BRINP3: variants seen among roughly 807,000 people sequenced by gnomAD.
BRINP3 encodes BMP/retinoic acid inducible neural specific 3.
Under a neutral mutation model 71.0 loss-of-function variants are expected in BRINP3, and 19 were observed. The ratio of observed to expected loss-of-function variants is 0.27; its 90% CI spans 0.19 to 0.39. The LOEUF (loss-of-function observed/expected upper bound fraction) is 0.39, where lower values mean the gene tolerates loss of function less well. Ranked by LOEUF, BRINP3 falls within the 10% of genes least tolerant of loss-of-function variation. The pLI, the probability that BRINP3 is intolerant of heterozygous loss-of-function variation, is 1.00. For synonymous variants in BRINP3, 380 were observed against 337.7 expected, an observed-to-expected ratio of 1.13 and a Z score of -1.37; for missense variants, 959 against 940.8, an observed-to-expected ratio of 1.02 and a Z score of -0.25.
At chr1:190,351,992 T>C (rs934808334) in intron 2 of BRINP3, among the ~76,000 whole-genome samples, 5 of 151,932 alleles carry the variant, frequency 3.3e-5, no homozygotes, top group African/African-American at 1.2e-4. Context: ...ACAGAAAAAA[T>C]TCTTTATTTT....
In BRINP3 at chr1:190,121,243, C is replaced by T. The variant is rs1033974087; in HGVS notation, c.1185-22109G>A. Among the ~76,000 whole-genome samples, 6 of 151,464 alleles carry T rather than the reference C, an allele frequency of 4.0e-5. No homozygotes were observed. The East Asian group carries it at 5.8e-4, about 15-fold the overall frequency. On this transcript the variant is annotated intron_variant, in intron 7 of 7. Transcript: ENST00000367462. ...TGTACTGTACTGTACTGTACTGGTA[C>T]GGTATAACAAAATGTGTTTTATTAT... is the stretch of plus-strand genomic sequence containing the variant.
intron 2 of BRINP3, among the ~76,000 whole-genome samples, chr1:190,396,100 A>G (rs1671549949): frequency 6.6e-6 from 1 of 151,912 alleles, no homozygotes; most frequent in Non-Finnish European, 1.5e-5. Context: ...TCCTAACAAA[A>G]TTTGAAGGCA....
At chr1:190,441,385 G>T (rs1285358838) in intron 2 of BRINP3, among the ~76,000 whole-genome samples, 1 of 152,008 alleles carries the variant, frequency 6.6e-6, no homozygotes, top group African/African-American at 2.4e-5. Flanking sequence ...TCTCACATCT[G>T]TCCAAGTCAG....
chr1:190,195,628 T>C (rs931786595), intron 6 of BRINP3, among the ~76,000 whole-genome samples: 3 of 152,050 alleles, frequency 2.0e-5, no homozygotes, highest in African/African-American at 7.2e-5. Context: ...CATAGAAAGG[T>C]ACATACATAC....
rs115923114 is a variant in BRINP3 at position 190,433,698 on chromosome 1, C to T, written c.236+20957G>A. 2.2e-3 allele frequency among the ~76,000 whole-genome samples: 338 copies of T among 152,232 alleles called. 1 individual carries two copies. Among genetic ancestry groups the T allele is most frequent in the Non-Finnish European group, 4.0e-3 (269 of 68,016 alleles). On this transcript the variant is annotated intron_variant, in intron 2 of 7. Coordinates refer to ENST00000367462, the MANE Select transcript of BRINP3 (RefSeq NM_199051.3). ...TATTATGCTATCTACCTATCTACCT[C>T]GTTCCATTGTCTTCTGACCTGCAAT...
chr1:190,421,182 T>C (rs1673354605), intron 2 of BRINP3, among the ~76,000 whole-genome samples: 1 of 151,612 alleles, frequency 6.6e-6, no homozygotes, highest in African/African-American at 2.4e-5. Context: ...TTCACAACAA[T>C]TGTCCAATTT....
At chr1:190,193,050 C>A (rs899270247) in intron 6 of BRINP3, among the ~76,000 whole-genome samples, 2 of 151,990 alleles carry the variant, frequency 1.3e-5, no homozygotes, top group African/African-American at 4.8e-5. Flanking sequence ...ATGAATGACT[C>A]CAAGGCAATC....
chr1:190,401,371 C>CCA (rs1671909574), intron 2 of BRINP3, among the ~76,000 whole-genome samples: 1 of 23,984 alleles, frequency 4.2e-5, no homozygotes, highest in African/African-American at 1.3e-4. Flanking sequence ...GTCCCCATCT[C>CCA]AAAACAAAAA....
At chr1:190,167,958 AG>A (rs1053693946) in intron 6 of BRINP3, among the ~76,000 whole-genome samples, 1 of 152,174 alleles carries the variant, frequency 6.6e-6, no homozygotes, top group African/African-American at 2.4e-5. Context: ...TCTATAGGAT[AG>A]GGACATCAGA....
intron 7 of BRINP3, among the ~76,000 whole-genome samples, chr1:190,143,871 A>G (rs1480086634): frequency 2.0e-5 from 3 of 152,198 alleles, no homozygotes; most frequent in African/African-American, 7.2e-5. Flanking sequence ...CAGATTGGTA[A>G]TCTGAAAGTT....
intron 2 of BRINP3, among the ~76,000 whole-genome samples, chr1:190,448,578 T>G (rs1026537355): frequency 6.6e-6 from 1 of 151,688 alleles, no homozygotes; most frequent in Admixed American, 6.6e-5. Flanking sequence ...GGAAGATCTA[T>G]GTATAATTTA....
At chr1:190,299,059 T>G (rs1664471339) in intron 2 of BRINP3, among the ~76,000 whole-genome samples, 2 of 152,202 alleles carry the variant, frequency 1.3e-5, no homozygotes, top group African/African-American at 2.4e-5. Context: ...AGTAAGTGAC[T>G]GTCTCTGTTA....
At chr1:190,318,758 G>A (rs1050062522) in intron 2 of BRINP3, among the ~76,000 whole-genome samples, 8 of 151,986 alleles carry the variant, frequency 5.3e-5, no homozygotes, top group African/African-American at 1.7e-4. Flanking sequence ...TATATCAGAT[G>A]TAGATCTATA....
intron 2 of BRINP3, among the ~76,000 whole-genome samples, chr1:190,436,852 C>A (rs979787419): frequency 6.6e-6 from 1 of 151,740 alleles, no homozygotes; most frequent in Non-Finnish European, 1.5e-5. Context: ...ATTTATTGAG[C>A]ATATGTTATG....
chr1:190,404,183 C>T (rs939086350), intron 2 of BRINP3, among the ~76,000 whole-genome samples: 1 of 151,964 alleles, frequency 6.6e-6, no homozygotes, highest in Non-Finnish European at 1.5e-5. Context: ...TTGTTATTTA[C>T]AAATAGTAAT....
intron 2 of BRINP3, among the ~76,000 whole-genome samples, chr1:190,452,843 C>T (rs1319601435): frequency 6.6e-6 from 1 of 152,080 alleles, no homozygotes; most frequent in African/African-American, 2.4e-5. Flanking sequence ...GGTGGCAGAA[C>T]GAGACTCCGT....
chr1:190,424,571 C>G (rs1031355788), intron 2 of BRINP3, among the ~76,000 whole-genome samples: 2 of 151,546 alleles, frequency 1.3e-5, no homozygotes, highest in Non-Finnish European at 3.0e-5. Context: ...CCAACTTTGC[C>G]CCAGTAAGAA....
chr1:190,463,484 A>G (rs1676532776), intron 1 of BRINP3, among the ~76,000 whole-genome samples: 1 of 151,792 alleles, frequency 6.6e-6, no homozygotes, highest in Non-Finnish European at 1.5e-5. Flanking sequence ...TATCCTGGGT[A>G]CAAAAAAAAA....
chr1:190,102,189 T>C (rs1651763396), intron 7 of BRINP3, among the ~76,000 whole-genome samples: 1 of 152,176 alleles, frequency 6.6e-6, no homozygotes, highest in Non-Finnish European at 1.5e-5. Context: ...TTACTCCTTG[T>C]GTAATCTTAG....
Sources: gnomAD v4.1 joint callset for allele counts (sites outside exome capture counted in the v4.1 genomes callset) on GRCh38, gnomAD v4.1.1 for gene constraint, MANE v1.5 for transcripts, NCBI Gene and HGNC (gene_info 2026-07-23, HGNC 2026-07-21) for gene names.